The following MYOM2 variants were observed in gnomAD, a reference collection of about 807,000 sequenced individuals.
MYOM2 encodes myomesin 2.
Under a neutral mutation model 187.6 loss-of-function variants are expected in MYOM2, and 254 were observed. The ratio of observed to expected loss-of-function variants is 1.35; its 90% CI spans 1.22 to 1.50. The LOEUF (loss-of-function observed/expected upper bound fraction) is 1.50. MYOM2 is among the 40% of genes most tolerant of loss of function. The pLI, the probability that MYOM2 is intolerant of heterozygous loss-of-function variation, is 0.00. For missense variants in MYOM2, 2,796 were observed against 1,924.0 expected (o/e 1.45, Z -8.48); for synonymous variants, 981 against 753.8 (o/e 1.30, Z -4.94).
At chr8:2,125,483 T>A (rs1001025837) in intron 31 of MYOM2, among the ~76,000 whole-genome samples, 4 of 152,196 alleles carry the variant, frequency 2.6e-5, no homozygotes, top group Admixed American at 2.0e-4. Flanking sequence ...CTGTTTTGGT[T>A]TCTGTAACTA....
At chr8:2,116,324 A>G in intron 27 of MYOM2, 49 bp downstream of exon 27, 1 of 1,537,890 alleles carries the variant, frequency 6.5e-7, no homozygotes, top group Non-Finnish European at 8.9e-7. Context: ...CATAAAGCAA[A>G]GATGATTGGA....
chr8:2,113,131 G>C (rs916936462), intron 25 of MYOM2, among the ~76,000 whole-genome samples: 1 of 152,226 alleles, frequency 6.6e-6, no homozygotes, highest in Admixed American at 6.5e-5. Flanking sequence ...TGGGCACGAG[G>C]AAGCCGAGGC....
chr8:2,088,810 C>T (rs1342095363), intron 14 of MYOM2, among the ~76,000 whole-genome samples: 1 of 152,224 alleles, frequency 6.6e-6, no homozygotes, highest in Non-Finnish European at 1.5e-5. Flanking sequence ...AATGGTAGTT[C>T]TGCTTTAAGT....
At chr8:2,053,094 C>T (rs74950783) in intron 3 of MYOM2, among the ~76,000 whole-genome samples, 4,933 of 152,258 alleles carry the variant, frequency 0.032, 287 homozygotes, top group African/African-American at 0.11. Flanking sequence ...CCCCCTGCTA[C>T]TTCTGGGAAT....
At chr8:2,130,257 G>A (rs867943321) in intron 32 of MYOM2, among the ~76,000 whole-genome samples, 96 of 141,656 alleles carry the variant, frequency 6.8e-4, no homozygotes, top group African/African-American at 2.8e-3. Flanking sequence ...CCCGCCTTTA[G>A]TTAACGCCCG....
At chr8:2,127,630 G>C (rs903820210) in intron 31 of MYOM2, 1 of 158,842 alleles carries the variant, frequency 6.3e-6, no homozygotes, top group African/African-American at 2.4e-5. Context: ...TCGGCGTGAC[G>C]CGGTGACGCA....
intron 6 of MYOM2, among the ~76,000 whole-genome samples, chr8:2,064,102 G>C (rs1818934828): frequency 6.6e-6 from 1 of 152,194 alleles, no homozygotes; most frequent in Admixed American, 6.5e-5. Context: ...GTGGACACAG[G>C]CTAAGCTGAG....
Position 2,075,328 on chromosome 8 carries a change from T to A in MYOM2, c.1121-813T>A, listed in dbSNP as rs17751495. Among the ~76,000 whole-genome samples the A allele has an allele frequency of 4.4e-3, 677 of 152,230 alleles. 2 individuals are homozygous for A. Among genetic ancestry groups the A allele is most frequent in the Middle Eastern group, 0.01 (3 of 294 alleles). Reference sequence around the variant, plus strand: ...GGCAATAAATGCAACACGGCTCAAATCGCCTTGCTCACTCAGCACCAGCAA... The same window carrying A: ...GGCAATAAATGCAACACGGCTCAAAACGCCTTGCTCACTCAGCACCAGCAA... On this transcript the variant is annotated intron_variant, in intron 10 of 36. Transcript: ENST00000262113.
chr8:2,055,346 A>C (rs1010398789), intron 3 of MYOM2, among the ~76,000 whole-genome samples: 11 of 152,146 alleles, frequency 7.2e-5, no homozygotes, highest in Non-Finnish European at 1.2e-4. Flanking sequence ...GGGTGGCCCT[A>C]GGGGAGAGGC....
At position 2,092,448 on chromosome 8, in the gene MYOM2, A is replaced by G. The variant is rs769013852; in HGVS notation, c.1931A>G (p.Tyr644Cys). 1.2e-5 allele frequency: 20 copies of G among 1,614,050 alleles called. No homozygotes were observed. In the Admixed American group the frequency reaches 1.3e-4, roughly 11 times the overall value. ...AAGCATGAGGAGGACCTGCTGGGCT[A>G]CTACGTGGACTGCTGTGTGGCCGGA... ...RPKHEEDLLG[Y>C]YVDCCVAGTN... The change falls in exon 16 of 37, where the codon TAC becomes TGC. Residue 644 changes from tyrosine (Y) to cysteine (C), a missense_variant. Physicochemically the swap from Tyr to Cys is radical, Grantham distance 194. Transcript: ENST00000262113.
At chr8:2,083,747 A>C (rs1468017691) in intron 13 of MYOM2, among the ~76,000 whole-genome samples, 1 of 152,246 alleles carries the variant, frequency 6.6e-6, no homozygotes. Context: ...GAGAATCTGC[A>C]AATCCGCAAG....
At chr8:2,108,016 G>A (rs1317806473) in intron 23 of MYOM2, among the ~76,000 whole-genome samples, 1 of 152,184 alleles carries the variant, frequency 6.6e-6, no homozygotes, top group African/African-American at 2.4e-5. Context: ...GGTTGAACTG[G>A]GAAAGCCAGT....
chr8:2,112,362 T>G (rs17751749), intron 25 of MYOM2, among the ~76,000 whole-genome samples: 12,776 of 136,338 alleles, frequency 0.094, 691 homozygotes, highest in Admixed American at 0.18. Context: ...AGAGGGTTAT[T>G]GAAATGGGTG....
chr8:2,052,223 C>G lies in MYOM2; in HGVS notation c.173C>G (p.Ser58Cys), dbSNP rs779550099. Residue 58 changes from serine to cysteine, a missense_variant, in exon 3 of 37, where the codon TCC becomes TGC. Transcript: ENST00000262113. Reference protein sequence around the residue: ...LSQRSSSQRASSQTSLGGTIC... With the variant: ...LSQRSSSQRACSQTSLGGTIC... ...CAGCGGTCGTCTTCACAGAGAGCCTCCAGCCAGACGTCCCTGGGAGGAACC... is the reference window on the plus strand; with the variant it reads ...CAGCGGTCGTCTTCACAGAGAGCCTGCAGCCAGACGTCCCTGGGAGGAACC... 2.5e-6 allele frequency: 4 copies of G among 1,613,300 alleles called. No individual in the cohort carries two copies. The South Asian group carries it at 4.4e-5, about 18-fold the overall frequency.
chr8:2,079,148 T>C (rs143774927), intron 12 of MYOM2, among the ~76,000 whole-genome samples: 1 of 152,114 alleles, frequency 6.6e-6, no homozygotes, highest in African/African-American at 2.4e-5. Flanking sequence ...TGAATGTGCC[T>C]CTCCTCCAGA....
chr8:2,134,485 CT>C (rs1445123696), intron 32 of MYOM2, among the ~76,000 whole-genome samples: 1 of 149,516 alleles, frequency 6.7e-6, no homozygotes, highest in Non-Finnish European at 1.5e-5. Context: ...TACTTCAGGA[CT>C]TGGCAAGTCT....
rs750880581 is a variant in MYOM2, at chr8:2,076,151, G to A, written c.1131G>A (p.Pro377=). 6 of 1,611,760 alleles carry A rather than the reference G, an allele frequency of 3.7e-6. No individual in the cohort carries two copies. The highest frequency in any genetic ancestry group is 4.5e-5 in the East Asian group (2 of 44,844). ...TCTCCCTGCCCCAAGATGCTGACCC[G>A]CTGGTCACAGGGGCCCCCGGTGCAC... is the stretch of plus-strand genomic sequence containing the variant. ...SAFLFVRDAD[P]LVTGAPGAPM... Residue 377 remains proline, a synonymous_variant, in exon 11 of 37, where the codon CCG becomes CCA. Transcript: ENST00000262113.
chr8:2,053,742 T>C (rs1818566809), intron 3 of MYOM2, among the ~76,000 whole-genome samples: 1 of 152,234 alleles, frequency 6.6e-6, no homozygotes, highest in Non-Finnish European at 1.5e-5. Context: ...AATGCCAGTC[T>C]GTCTTAGACG....
intron 25 of MYOM2, among the ~76,000 whole-genome samples, chr8:2,114,730 A>G (rs1233379982): frequency 3.3e-5 from 5 of 152,190 alleles, no homozygotes; most frequent in Admixed American, 2.6e-4. Flanking sequence ...TTGGCCTCCC[A>G]AAGTGCTGGG....
Sources: allele counts gnomAD v4.1 joint callset (sites outside exome capture counted in the v4.1 genomes callset), GRCh38; gene constraint gnomAD v4.1.1; transcripts MANE v1.5; gene names NCBI Gene and HGNC (gene_info 2026-07-23, HGNC 2026-07-21).